The following FBXO36 variants were observed in gnomAD, a reference collection of about 807,000 sequenced individuals.
FBXO36 encodes F-box only protein 36.
FBXO36 carries 18 observed loss-of-function variants against 17.0 expected under a neutral mutation model. The observed-to-expected ratio is 1.06, with a 90% confidence interval of 0.73 to 1.57. The LOEUF (loss-of-function observed/expected upper bound fraction) is 1.57, where lower values mean the gene tolerates loss of function less well. FBXO36 is among the 40% of genes most tolerant of loss of function. FBXO36 has a pLI of 0.00. For synonymous variants in FBXO36, 83 were observed against 85.3 expected (o/e 0.97, Z 0.15); for missense variants, 229 against 221.9 (o/e 1.03, Z -0.20).
chr2:229,975,355 G>C (rs1439671480), intron 1 of FBXO36, among the ~76,000 whole-genome samples: 1 of 152,062 alleles, frequency 6.6e-6, no homozygotes, highest in Admixed American at 6.6e-5. Flanking sequence ...GAGGAGAGCT[G>C]AGCAATTTCT....
chr2:229,972,435 C>T (rs1389989805), intron 1 of FBXO36, among the ~76,000 whole-genome samples: 1 of 152,062 alleles, frequency 6.6e-6, no homozygotes, highest in Non-Finnish European at 1.5e-5. Flanking sequence ...TGATTGAATA[C>T]TATTAGACAG....
chr2:230,006,751 T>C (rs1262557461), intron 3 of FBXO36, among the ~76,000 whole-genome samples: 1 of 151,796 alleles, frequency 6.6e-6, no homozygotes, highest in African/African-American at 2.4e-5. Flanking sequence ...CTGTTAAGAG[T>C]GCGGTGTGCA....
At chr2:229,986,467 G>A (rs772838708) in intron 2 of FBXO36, among the ~76,000 whole-genome samples, 18 of 151,952 alleles carry the variant, frequency 1.2e-4, no homozygotes, top group Non-Finnish European at 2.4e-4. Context: ...CTACACTCCA[G>A]TATGGGCAAC....
At chr2:229,955,274 G>C (rs1028852364) in intron 1 of FBXO36, among the ~76,000 whole-genome samples, 1 of 152,118 alleles carries the variant, frequency 6.6e-6, no homozygotes. Context: ...CAGGCATGGT[G>C]GCTTATACCT....
At chr2:229,956,662 T>C (rs930480699) in intron 1 of FBXO36, among the ~76,000 whole-genome samples, 5 of 152,210 alleles carry the variant, frequency 3.3e-5, no homozygotes, top group African/African-American at 1.2e-4. Context: ...GATGGGATTC[T>C]TGTGGAGGGG....
chr2:229,928,679 A>G (rs2106152383), intron 1 of FBXO36, among the ~76,000 whole-genome samples: 1 of 152,322 alleles, frequency 6.6e-6, no homozygotes. Flanking sequence ...AAGGAAAATA[A>G]TTCTAATTCT....
At chr2:229,962,502 TA>T (rs1257906141) in intron 1 of FBXO36, among the ~76,000 whole-genome samples, 7 of 82,534 alleles carry the variant, frequency 8.5e-5, no homozygotes, top group Non-Finnish European at 1.8e-4. Context: ...AGTTGATTTT[TA>T]TTTTATTTTA....
chr2:229,976,752 GA>G (rs2077210891), intron 2 of FBXO36: 1 of 161,986 alleles, frequency 6.2e-6, no homozygotes, highest in Admixed American at 6.2e-5. Context: ...CCAGGAGGCA[GA>G]GGTTGCAGTG....
At chr2:229,972,230 T>G (rs1301932492) in intron 1 of FBXO36, among the ~76,000 whole-genome samples, 1 of 147,720 alleles carries the variant, frequency 6.8e-6, no homozygotes, top group Non-Finnish European at 1.5e-5. Context: ...ACTCCTGACC[T>G]CAGGTGATCT....
chr2:230,005,827 C>A (rs1024891300), intron 3 of FBXO36, among the ~76,000 whole-genome samples: 2 of 152,014 alleles, frequency 1.3e-5, no homozygotes, highest in African/African-American at 4.8e-5. Flanking sequence ...TCCTCCATAC[C>A]TGGCTAATTT....
At chr2:230,001,278 C>A (rs546869948) in intron 3 of FBXO36, among the ~76,000 whole-genome samples, 2 of 152,098 alleles carry the variant, frequency 1.3e-5, no homozygotes, top group Admixed American at 6.6e-5. Flanking sequence ...AAGTTATTTT[C>A]TTTTTCTTTT....
rs2077226062 is a variant in FBXO36 at position 229,979,332 on chromosome 2, A to AAT, written c.205+2991_205+2992dup. ...GGGCAACATGGCAAGACTCCATATAAATATATATAGTGTGTGTGTATATAT... is the reference window on the plus strand; with the variant it reads ...GGGCAACATGGCAAGACTCCATATAAATATATATATAGTGTGTGTGTATATAT... On this transcript the variant is annotated intron_variant, in intron 2 of 3. Coordinates refer to ENST00000283946, the MANE Select transcript of FBXO36 (RefSeq NM_174899.5). Among the ~76,000 whole-genome samples, 8 of 151,304 alleles carry AAT rather than the reference A, an allele frequency of 5.3e-5. No individual in the cohort carries two copies. In the South Asian group the frequency reaches 1.7e-3, roughly 32 times the overall value.
intron 1 of FBXO36, among the ~76,000 whole-genome samples, chr2:229,943,543 C>T (rs1285115497): frequency 6.6e-6 from 1 of 151,804 alleles, no homozygotes; most frequent in East Asian, 1.9e-4. Flanking sequence ...ATCATGGTGG[C>T]TGTGGTTATC....
chr2:229,924,652 AAAT>A (rs1440417124), intron 1 of FBXO36, among the ~76,000 whole-genome samples: 8 of 152,132 alleles, frequency 5.3e-5, no homozygotes, highest in Admixed American at 6.6e-5. Flanking sequence ...TTATTTTAGT[AAAT>A]TATCCTTAGG....
intron 2 of FBXO36, among the ~76,000 whole-genome samples, chr2:229,985,233 G>A (rs2077262052): frequency 6.6e-6 from 1 of 152,080 alleles, no homozygotes; most frequent in South Asian, 2.1e-4. Context: ...ATATTTTGAT[G>A]TCACAATATT....
intron 1 of FBXO36, chr2:229,939,140 G>T: frequency 1.4e-6 from 1 of 710,626 alleles, no homozygotes; most frequent in Non-Finnish European, 1.7e-6. Context: ...CGCAACCTCC[G>T]GTTCCCGGGT....
chr2:229,937,822 G>C (rs1012326859), intron 1 of FBXO36: 2 of 152,130 alleles, frequency 1.3e-5, no homozygotes, highest in African/African-American at 4.8e-5. Flanking sequence ...TTCTTGCTCA[G>C]GGGCCATGCT....
intron 2 of FBXO36, among the ~76,000 whole-genome samples, chr2:229,983,681 C>T (rs2077252505): frequency 6.6e-6 from 1 of 152,194 alleles, no homozygotes; most frequent in Non-Finnish European, 1.5e-5. Context: ...ACCAAGTATA[C>T]AGAACTGTTA....
At chr2:229,982,073 G>T (rs1356046778) in intron 2 of FBXO36, among the ~76,000 whole-genome samples, 1 of 151,958 alleles carries the variant, frequency 6.6e-6, no homozygotes, top group African/African-American at 2.4e-5. Context: ...GCCCAGGCTG[G>T]AGTGGAGTGG....
Sources: gnomAD v4.1 joint callset for allele counts (sites outside exome capture counted in the v4.1 genomes callset) on GRCh38, gnomAD v4.1.1 for gene constraint, MANE v1.5 for transcripts, NCBI Gene and HGNC (gene_info 2026-07-23, HGNC 2026-07-21) for gene names.